The following EFCAB6 variants were observed in gnomAD, a reference collection of about 807,000 sequenced individuals.
EFCAB6 encodes EF-hand calcium-binding domain-containing protein 6.
In EFCAB6, 156 loss-of-function variants were observed where a neutral mutation model predicts 169.8. That is an observed-to-expected ratio of 0.92 (90% CI 0.81 to 1.05). The LOEUF (loss-of-function observed/expected upper bound fraction) is 1.05, where lower values mean the gene tolerates loss of function less well. EFCAB6 is among the 50% of genes least tolerant of loss of function. The pLI is 0.00. For synonymous variants in EFCAB6, 698 were observed against 676.4 expected (o/e 1.03, Z -0.50); for missense variants, 1,800 against 1,829.1 (o/e 0.98, Z 0.29).
intron 27 of EFCAB6, among the ~76,000 whole-genome samples, chr22:43,549,459 G>T (rs1444357751): frequency 1.3e-5 from 2 of 152,154 alleles, no homozygotes; most frequent in South Asian, 2.1e-4. Context: ...ACAGATTCCT[G>T]TAGAAAAGAT....
intron 23 of EFCAB6, among the ~76,000 whole-genome samples, chr22:43,598,310 G>A (rs1430046662): frequency 5.2e-5 from 3 of 57,648 alleles, no homozygotes; most frequent in South Asian, 9.3e-4. Context: ...ACTGTCTCCG[G>A]GAAAAAAAAA....
At chr22:43,601,919 C>T (rs982494327) in intron 22 of EFCAB6, among the ~76,000 whole-genome samples, 29 of 152,344 alleles carry the variant, frequency 1.9e-4, no homozygotes, top group African/African-American at 5.5e-4. Context: ...CATGTGTCTG[C>T]CACCCACCTG....
In EFCAB6 at chr22:43,540,076, G is replaced by C. The variant is rs904010720; in HGVS notation, c.3879+51C>G. 2.5e-6 allele frequency: 4 copies of C among 1,597,094 alleles called. No homozygotes were observed. The African/African-American group carries it at 5.4e-5, about 21-fold the overall frequency. ...CCCCAAAGTCCCCCCAGTGGGATTT[G>C]TGGATGTGGCATGAGGAGGCCTGGG... On this transcript the variant is annotated intron_variant, in intron 28 of 31. Coordinates refer to ENST00000262726, the MANE Select transcript of EFCAB6 (RefSeq NM_022785.4).
At chr22:43,654,990 G>A (rs2056663385) in intron 17 of EFCAB6, among the ~76,000 whole-genome samples, 1 of 152,202 alleles carries the variant, frequency 6.6e-6, no homozygotes, top group Non-Finnish European at 1.5e-5. Context: ...AGGCGCTGTG[G>A]CTCACACCTA....
At chr22:43,563,766 G>A (rs770656870) in intron 26 of EFCAB6, among the ~76,000 whole-genome samples, 1 of 152,208 alleles carries the variant, frequency 6.6e-6, no homozygotes, top group South Asian at 2.1e-4. Flanking sequence ...TGAATGATCC[G>A]AGGATGGTGC....
intron 6 of EFCAB6, among the ~76,000 whole-genome samples, chr22:43,754,337 A>G (rs1396837759): frequency 1.3e-5 from 2 of 152,212 alleles, no homozygotes; most frequent in Non-Finnish European, 2.9e-5. Flanking sequence ...TAAATAGCAG[A>G]GCCCCAGGAT....
chr22:43,768,887 T>G (rs529346642), intron 4 of EFCAB6, among the ~76,000 whole-genome samples: 1 of 152,352 alleles, frequency 6.6e-6, no homozygotes, highest in East Asian at 1.9e-4. Flanking sequence ...TGGCATAAAG[T>G]ATCACTTAAA....
intron 22 of EFCAB6, among the ~76,000 whole-genome samples, chr22:43,601,097 A>C (rs2052488856): frequency 6.6e-6 from 1 of 152,228 alleles, no homozygotes; most frequent in South Asian, 2.1e-4. Flanking sequence ...AAGATGGTAA[A>C]ATTTCCCATT....
chr22:43,732,997 A>C (rs2147636893), intron 7 of EFCAB6, among the ~76,000 whole-genome samples: 2 of 152,304 alleles, frequency 1.3e-5, no homozygotes, highest in South Asian at 4.1e-4. Flanking sequence ...ATTATCACTT[A>C]AAGTATTTAT....
chr22:43,807,200 C>T (rs2062953257), intron 2 of EFCAB6, among the ~76,000 whole-genome samples: 1 of 152,212 alleles, frequency 6.6e-6, no homozygotes, highest in Non-Finnish European at 1.5e-5. Context: ...GAAGCTTAGG[C>T]TAATTTTACC....
At chr22:43,683,710 A>G (rs771933359) in intron 12 of EFCAB6, 37 bp downstream of exon 12, 1 of 1,409,054 alleles carries the variant, frequency 7.1e-7, no homozygotes. Context: ...CTTAGAAACA[A>G]TGAGTGTTTC....
chr22:43,619,015 A>AC (rs1394761149), intron 20 of EFCAB6, among the ~76,000 whole-genome samples: 1 of 152,118 alleles, frequency 6.6e-6, no homozygotes, highest in South Asian at 2.1e-4. Flanking sequence ...TAGCCAGAAG[A>AC]CCCAGAAAAG....
At chr22:43,773,153 T>G (rs755705685) in intron 3 of EFCAB6, 50 bp from the exon 4 acceptor site, 1 of 1,580,844 alleles carries the variant, frequency 6.3e-7, no homozygotes, top group Non-Finnish European at 8.7e-7. Context: ...GCCAAGATAC[T>G]AAACAGAAAC....
intron 3 of EFCAB6, among the ~76,000 whole-genome samples, chr22:43,775,652 C>T (rs555472734): frequency 6.6e-6 from 1 of 152,296 alleles, no homozygotes; most frequent in South Asian, 2.1e-4. Flanking sequence ...CTATGCTGGC[C>T]AGGCTGGTCT....
intron 29 of EFCAB6, 160 bp from the exon 30 acceptor site, chr22:43,535,032 AG>A (rs2147011937): frequency 1.4e-6 from 1 of 711,806 alleles, no homozygotes; most frequent in Admixed American, 3.0e-5. Context: ...ATGTGGAGAC[AG>A]ACATGTGACA....
chr22:43,637,221 A>G (rs1052926923), intron 17 of EFCAB6, among the ~76,000 whole-genome samples: 2 of 152,204 alleles, frequency 1.3e-5, no homozygotes, highest in African/African-American at 4.8e-5. Context: ...AGGTTTTGAT[A>G]GGGTGAGGGG....
intron 10 of EFCAB6, among the ~76,000 whole-genome samples, chr22:43,688,423 G>T (rs2058282001): frequency 6.6e-6 from 1 of 152,296 alleles, no homozygotes; most frequent in East Asian, 1.9e-4. Flanking sequence ...AGAATAATTG[G>T]AAAATTGTTC....
At position 43,755,098 on chromosome 22, in the gene EFCAB6, G is replaced by T. The variant is rs183285593; in HGVS notation, c.507+668C>A. 1.1e-4 allele frequency among the ~76,000 whole-genome samples: 16 copies of T among 152,254 alleles called. No homozygotes were observed. The East Asian group carries it at 2.7e-3, about 26-fold the overall frequency. ...ATGAGTCTCAGAAGAGTTCAAAAAAGAAAATTTGTCACATTTCAAACCAAC... is the reference window on the plus strand; with the variant it reads ...ATGAGTCTCAGAAGAGTTCAAAAAATAAAATTTGTCACATTTCAAACCAAC... On this transcript the variant is annotated intron_variant, in intron 6 of 31. Coordinates refer to ENST00000262726, the MANE Select transcript of EFCAB6 (RefSeq NM_022785.4).
At chr22:43,755,958 C>A (rs750704044) in intron 5 of EFCAB6, 126 bp from the exon 6 acceptor site, 10 of 932,184 alleles carry the variant, frequency 1.1e-5, no homozygotes, top group Non-Finnish European at 1.4e-5. Context: ...GTATTTCTTA[C>A]AAGCTACTGT....
Sources: allele counts gnomAD v4.1 joint callset (sites outside exome capture counted in the v4.1 genomes callset), GRCh38; gene constraint gnomAD v4.1.1; transcripts MANE v1.5; gene names NCBI Gene and HGNC (gene_info 2026-07-23, HGNC 2026-07-21).